Variants in COPG1 observed in about 807,000 individuals in gnomAD.
COPG1 encodes the protein coat protein complex I subunit gamma 1, also known as coatomer subunit gamma-1.
In COPG1, 29 loss-of-function variants were observed where a neutral mutation model predicts 102.8. That is an observed-to-expected ratio of 0.28 (90% CI 0.21 to 0.38). The LOEUF (loss-of-function observed/expected upper bound fraction) is 0.38. COPG1 is among the 10% of genes least tolerant of loss of function. The probability of loss-of-function intolerance (pLI) is 1.00; values close to 1 mark genes in which losing one functional copy is unlikely to be tolerated. For missense variants in COPG1, 875 were observed against 1,132.7 expected (o/e 0.77, Z 3.27); for synonymous variants, 406 against 421.6 (o/e 0.96, Z 0.45).
In COPG1 at chr3:129,271,623, A is replaced by G; in HGVS notation, c.1844-144A>G. 2 of 965,834 alleles carry G rather than the reference A, an allele frequency of 2.1e-6. No homozygotes were observed. The highest frequency in any genetic ancestry group is 3.1e-6 in the Non-Finnish European group (2 of 650,258). The allele number at this position is 965,834 out of a possible 1,614,324, so 59.8% of individuals were successfully genotyped here. ...AAATGCATGGATATATTCAGGAAATAATGAGTAGCCAGTTGGGTAAACATA... is the reference window on the plus strand; with the variant it reads ...AAATGCATGGATATATTCAGGAAATGATGAGTAGCCAGTTGGGTAAACATA... On this transcript the variant is annotated intron_variant, in intron 18 of 23. Coordinates refer to ENST00000314797, the MANE Select transcript of COPG1 (RefSeq NM_016128.4). The surrounding 1 kb of genome is among the most constrained non-coding windows in gnomAD (Gnocchi z 4.7).
In COPG1 at chr3:129,249,708, C is replaced by G. The variant is rs1401516966; in HGVS notation, c.-2C>G. On this transcript the variant is annotated 5_prime_UTR_variant, in exon 1 of 24. Coordinates refer to ENST00000314797, the MANE Select transcript of COPG1 (RefSeq NM_016128.4). ...GCTGCATTGCGCCCCACCGACTCCA[C>G]TATGTTGAAGAAATTCGACAAGAAG... 3 of 1,551,422 alleles carry G rather than the reference C, an allele frequency of 1.9e-6. No homozygotes were observed. The highest frequency in any genetic ancestry group is 2.6e-6 in the Non-Finnish European group (3 of 1,146,962).
At chr3:129,264,145 C>G in intron 13 of COPG1, 146 bp downstream of exon 13, 1 of 686,836 alleles carries the variant, frequency 1.5e-6, no homozygotes, top group South Asian at 1.6e-5. Context: ...CTTTAAACTC[C>G]TTGTGGACAT....
chr3:129,270,845 C>T (rs1940168084), intron 18 of COPG1, among the ~76,000 whole-genome samples: 1 of 152,186 alleles, frequency 6.6e-6, no homozygotes, highest in Non-Finnish European at 1.5e-5. Context: ...AGTTGAAAAT[C>T]TTAGAGCAGT....
At chr3:129,272,724 C>G in intron 20 of COPG1, 83 bp from the exon 21 acceptor site, 1 of 823,520 alleles carries the variant, frequency 1.2e-6, no homozygotes, top group South Asian at 1.5e-5. Flanking sequence ...AGGCTGTGAC[C>G]CCTGCCTGCT....
intron 12 of COPG1, 119 bp from the exon 13 acceptor site, chr3:129,263,785 C>G: frequency 2.5e-6 from 2 of 806,522 alleles, no homozygotes; most frequent in Non-Finnish European, 4.2e-6. Context: ...GTCTCCTTGC[C>G]CTTGTGTCAT....
At chr3:129,274,799 G>T in intron 21 of COPG1, 39 bp from the exon 22 acceptor site, 1 of 1,611,754 alleles carries the variant, frequency 6.2e-7, no homozygotes. Context: ...GCCCGTAGGT[G>T]TGTAGATGGG....
chr3:129,277,765 T>A lies in COPG1; in HGVS notation c.*341T>A, dbSNP rs111621511. The A allele has an allele frequency of 2.4e-3, 612 of 251,566 alleles. 2 individuals carry two copies. The highest frequency in any genetic ancestry group is 0.012 in the African/African-American group (546 of 44,874). The allele number at this position is 251,566 out of a possible 1,614,324, so 15.6% of individuals were successfully genotyped here. A position where few individuals can be genotyped will look rare whatever the true frequency, so the allele number is the denominator to read the frequency against. On this transcript the variant is annotated 3_prime_UTR_variant, in exon 24 of 24. Transcript: ENST00000314797. ...TATCCCTGTAATAAATCAGCATGTA[T>A]TTATTGAATGATTGCTACTTCTGCA...
intron 17 of COPG1, 51 bp downstream of exon 17, chr3:129,268,671 G>A (rs369670204): frequency 6.3e-7 from 1 of 1,597,942 alleles, no homozygotes; most frequent in African/African-American, 1.3e-5. Flanking sequence ...CTCTGTTGGA[G>A]GGTCTGCATT....
At chr3:129,255,944 G>A (rs1939800089) in intron 7 of COPG1, 124 bp from the exon 8 acceptor site, 1 of 730,656 alleles carries the variant, frequency 1.4e-6, no homozygotes. Context: ...GTTTGTCCAT[G>A]GTCTCTGAGG....
At position 129,275,170 on chromosome 3, in the gene COPG1, C is replaced by T. The variant is rs762457908; in HGVS notation, c.2396-24C>T. The T allele has an allele frequency of 3.7e-6, 6 of 1,603,810 alleles. No individual in the cohort carries two copies. The South Asian group carries it at 5.5e-5, about 15-fold the overall frequency. On this transcript the variant is annotated intron_variant, in intron 22 of 23. Transcript: ENST00000314797. The surrounding 1 kb of genome is among the most constrained non-coding windows in gnomAD (Gnocchi z 5.0). ...ACAAAGGGCAGATAAGATGGCTTAA[C>T]AATATTGGGATTTCTCATTACAGAG...
At chr3:129,251,991 T>G (rs1404372484) in intron 2 of COPG1, among the ~76,000 whole-genome samples, 1 of 152,230 alleles carries the variant, frequency 6.6e-6, no homozygotes, top group Non-Finnish European at 1.5e-5. Context: ...AGCCGCTTCT[T>G]TCTTTATTGT....
intron 2 of COPG1, among the ~76,000 whole-genome samples, chr3:129,251,710 G>A (rs1353967037): frequency 6.8e-6 from 1 of 147,598 alleles, no homozygotes; most frequent in African/African-American, 2.5e-5. Flanking sequence ...TTTTGAGATG[G>A]AGACTTGCTG....
At chr3:129,262,133 T>G (rs6804269) in intron 12 of COPG1, among the ~76,000 whole-genome samples, 34,236 of 151,958 alleles carry the variant, frequency 0.23, 6,507 homozygotes, top group African/African-American at 0.52. Flanking sequence ...TCCTTCTGGG[T>G]CTGGGCACGG....
chr3:129,257,673 C>G, intron 9 of COPG1, 46 bp downstream of exon 9: 1 of 1,613,766 alleles, frequency 6.2e-7, no homozygotes, highest in Non-Finnish European at 8.5e-7. Flanking sequence ...CTCACTCATC[C>G]TACCATGCTG....
intron 21 of COPG1, chr3:129,273,998 A>C (rs896871221): frequency 1.3e-5 from 6 of 455,298 alleles, no homozygotes; most frequent in African/African-American, 1.0e-4. Context: ...GACTGTTAGA[A>C]CTCCTCCTGA....
At chr3:129,268,744 T>A in intron 17 of COPG1, 124 bp downstream of exon 17, 2 of 1,253,716 alleles carry the variant, frequency 1.6e-6, no homozygotes, top group Non-Finnish European at 2.3e-6. Context: ...GGAAATGATC[T>A]TTTCCACCTC....
chr3:129,259,984 T>C (rs1423182873), intron 10 of COPG1, among the ~76,000 whole-genome samples: 2 of 152,198 alleles, frequency 1.3e-5, no homozygotes, highest in African/African-American at 2.4e-5. Flanking sequence ...AACCTAAAGT[T>C]TGTTTGCTTT....
chr3:129,251,302 A>C (rs1939691782), intron 2 of COPG1, among the ~76,000 whole-genome samples: 1 of 150,968 alleles, frequency 6.6e-6, no homozygotes, highest in South Asian at 2.1e-4. Flanking sequence ...ACTATCACCT[A>C]AGCTAGACTG....
chr3:129,270,041 A>G (rs1301662939), intron 18 of COPG1, among the ~76,000 whole-genome samples: 1 of 138,348 alleles, frequency 7.2e-6, no homozygotes. Context: ...AAGAGGCCAC[A>G]CTCCTGGCCT....
Sources: gnomAD v4.1 joint callset for allele counts (sites outside exome capture counted in the v4.1 genomes callset) on GRCh38, gnomAD v4.1.1 for gene constraint, Gnocchi (gnomAD v3.1) non-coding constraint, MANE v1.5 for transcripts, NCBI Gene and HGNC (gene_info 2026-07-23, HGNC 2026-07-21) for gene names.